Variants in HNRNPC observed in about 807,000 individuals in gnomAD.
HNRNPC encodes heterogeneous nuclear ribonucleoprotein C, also known as heterogeneous nuclear ribonucleoproteins C1/C2.
In HNRNPC, 3 loss-of-function variants were observed where a neutral mutation model predicts 33.2. The observed-to-expected ratio is 0.09, with a 90% CI of 0.04 to 0.23. The LOEUF is 0.23. HNRNPC is among the 10% of genes least tolerant of loss of function. HNRNPC has a pLI of 1.00. For synonymous variants in HNRNPC, 121 were observed against 126.7 expected (o/e 0.96, Z 0.30); for missense variants, 143 against 366.7 (o/e 0.39, Z 4.98).
intron 5 of HNRNPC, among the ~76,000 whole-genome samples, chr14:21,228,668 AG>A (rs1893746890): frequency 6.6e-6 from 1 of 152,128 alleles, no homozygotes; most frequent in African/African-American, 2.4e-5. Flanking sequence ...CTGAGATTAC[AG>A]GTGTGAGCCA....
At chr14:21,255,194 TA>T (rs1476356686) in intron 2 of HNRNPC, among the ~76,000 whole-genome samples, 1 of 152,188 alleles carries the variant, frequency 6.6e-6, no homozygotes, top group Non-Finnish European at 1.5e-5. Flanking sequence ...ACTAAACTCC[TA>T]AATGTTATTC....
intron 5 of HNRNPC, among the ~76,000 whole-genome samples, chr14:21,217,465 G>A (rs978075365): frequency 6.6e-6 from 1 of 152,034 alleles, no homozygotes; most frequent in African/African-American, 2.4e-5. Flanking sequence ...CACCACATGG[G>A]GAAACTCTAA....
rs1396859723 is a variant in HNRNPC at position 21,230,365 on chromosome 14, A to G, written c.319T>C (p.Ser107Pro). 1 of 1,607,888 alleles carries G rather than the reference A, an allele frequency of 6.2e-7. No homozygotes were observed. Among genetic ancestry groups the G allele is most frequent in the Non-Finnish European group, 8.5e-7 (1 of 1,174,828 alleles). ...VKRSAAEMYG[S>P]SFDLDYDFQR... is the part of the protein sequence containing the mutation. ...AAGTCATAGTCCAAGTCAAAAGAGGAGCTGAAAAATAAATACCGAAAAGGG... is the reference window on the plus strand; with the variant it reads ...AAGTCATAGTCCAAGTCAAAAGAGGGGCTGAAAAATAAATACCGAAAAGGG... Residue 107 changes from serine to proline, a missense_variant and splice_region_variant, in exon 5 of 9, where the codon TCC becomes CCC. Ser to Pro is a moderately conservative substitution (Grantham distance 74). This residue lies in a region of HNRNPC where 131 missense variants were observed against 253.0 expected (regional missense o/e 0.52). Coordinates refer to ENST00000553300, the MANE Select transcript of HNRNPC (RefSeq NM_004500.4).
In HNRNPC at chr14:21,260,662, A is replaced by G. The variant is rs367831794; in HGVS notation, c.-37+2649T>C. On this transcript the variant is annotated intron_variant, in intron 2 of 8. Coordinates refer to ENST00000553300, the MANE Select transcript of HNRNPC (RefSeq NM_004500.4). Reference sequence around the variant, plus strand: ...GGCATCTCTACTGAACCCTGTCTCTACTAAAAATAGAAAAATTTAAGGCCA... The same window carrying G: ...GGCATCTCTACTGAACCCTGTCTCTGCTAAAAATAGAAAAATTTAAGGCCA... 3.9e-5 allele frequency among the ~76,000 whole-genome samples: 6 copies of G among 152,010 alleles called. No homozygotes were observed. In the South Asian group the frequency reaches 8.3e-4, roughly 21 times the overall value.
chr14:21,215,277 T>C (rs1892034244), intron 5 of HNRNPC, among the ~76,000 whole-genome samples: 1 of 151,982 alleles, frequency 6.6e-6, no homozygotes, highest in Admixed American at 6.6e-5. Context: ...ACGGTAAGTG[T>C]GAAAATAGAA....
intron 2 of HNRNPC, among the ~76,000 whole-genome samples, chr14:21,252,797 T>A (rs1896813257): frequency 6.6e-6 from 1 of 152,168 alleles, no homozygotes; most frequent in African/African-American, 2.4e-5. Context: ...ACAAAAAGGC[T>A]GGCCAAGGAT....
intron 2 of HNRNPC, among the ~76,000 whole-genome samples, chr14:21,246,566 CAAAA>C (rs78962636): frequency 3.2e-5 from 3 of 93,646 alleles, no homozygotes; most frequent in Admixed American, 1.0e-4. Context: ...GACTCCGTCT[CAAAA>C]AAAAAAAAAA....
chr14:21,253,816 A>C (rs770276427), intron 2 of HNRNPC, among the ~76,000 whole-genome samples: 8 of 152,166 alleles, frequency 5.3e-5, no homozygotes, highest in Non-Finnish European at 1.0e-4. Context: ...CTGTAATCCC[A>C]GCACTTTGGG....
At chr14:21,231,749 A>AC (rs1489574727) in intron 3 of HNRNPC, among the ~76,000 whole-genome samples, 8 of 152,184 alleles carry the variant, frequency 5.3e-5, no homozygotes, top group Non-Finnish European at 1.2e-4. Context: ...CTCAGATACC[A>AC]CTTCAACTCA....
chr14:21,249,480 G>A (rs1041282325), intron 2 of HNRNPC, among the ~76,000 whole-genome samples: 1 of 151,346 alleles, frequency 6.6e-6, no homozygotes, highest in Non-Finnish European at 1.5e-5. Context: ...CCAGCTACTT[G>A]GGAGGCTGAG....
chr14:21,217,237 C>T (rs1162348900), intron 5 of HNRNPC, among the ~76,000 whole-genome samples: 1 of 152,176 alleles, frequency 6.6e-6, no homozygotes, highest in Non-Finnish European at 1.5e-5. Flanking sequence ...AAAAATAAAT[C>T]AACCAGCAAA....
chr14:21,251,406 T>C (rs571777186), intron 2 of HNRNPC, among the ~76,000 whole-genome samples: 5 of 151,734 alleles, frequency 3.3e-5, no homozygotes, highest in Non-Finnish European at 5.9e-5. Context: ...CAGCCAGGTG[T>C]GGTGGCTCAC....
At chr14:21,262,025 TA>T (rs1472120800) in intron 2 of HNRNPC, among the ~76,000 whole-genome samples, 1 of 152,206 alleles carries the variant, frequency 6.6e-6, no homozygotes, top group Non-Finnish European at 1.5e-5. Context: ...GTCACCACTG[TA>T]AAAGGGGTCA....
intron 2 of HNRNPC, among the ~76,000 whole-genome samples, chr14:21,235,883 G>A (rs551950916): frequency 1.2e-4 from 18 of 152,052 alleles, no homozygotes; most frequent in African/African-American, 2.9e-4. Context: ...GAGGGGCTCC[G>A]TAAGCCAACA....
chr14:21,225,360 A>T (rs1332864040), intron 5 of HNRNPC, among the ~76,000 whole-genome samples: 1 of 151,284 alleles, frequency 6.6e-6, no homozygotes, highest in East Asian at 2.0e-4. Flanking sequence ...TGAACCTGGG[A>T]GGTGGAGGTT....
At chr14:21,228,246 G>A in intron 5 of HNRNPC, among the ~76,000 whole-genome samples, 1 of 152,184 alleles carries the variant, frequency 6.6e-6, no homozygotes, top group Non-Finnish European at 1.5e-5. Context: ...TGCTAAGCTT[G>A]TCGGAGTTAT....
chr14:21,217,735 C>T (rs1892344156), intron 5 of HNRNPC, among the ~76,000 whole-genome samples: 1 of 151,986 alleles, frequency 6.6e-6, no homozygotes, highest in African/African-American at 2.4e-5. Context: ...AAATTCTAAG[C>T]CATTTGATTG....
At chr14:21,250,325 G>T (rs1443805484) in intron 2 of HNRNPC, among the ~76,000 whole-genome samples, 1 of 151,956 alleles carries the variant, frequency 6.6e-6, no homozygotes, top group Non-Finnish European at 1.5e-5. Context: ...CCTTGCAAAT[G>T]GTTCAGCAAA....
chr14:21,256,757 C>T (rs773432481), intron 2 of HNRNPC, among the ~76,000 whole-genome samples: 3 of 151,906 alleles, frequency 2.0e-5, no homozygotes, highest in Non-Finnish European at 2.9e-5. Flanking sequence ...TGGGCTCAAG[C>T]GATTCTCATG....
Sources: gnomAD v4.1 joint callset for allele counts (sites outside exome capture counted in the v4.1 genomes callset) on GRCh38, gnomAD v4.1.1 for gene constraint, gnomAD v4.1.1 regional missense constraint, MANE v1.5 for transcripts, NCBI Gene and HGNC (gene_info 2026-07-23, HGNC 2026-07-21) for gene names.